SORCS1: variants seen among roughly 807,000 people sequenced by gnomAD.
SORCS1 encodes the protein VPS10 domain-containing receptor SorCS1.
A neutral mutation model predicts 146.1 loss-of-function variants in SORCS1; 60 were observed. The ratio of observed to expected loss-of-function variants is 0.41; its 90% CI spans 0.33 to 0.51. The LOEUF (loss-of-function observed/expected upper bound fraction) is 0.51. SORCS1 is among the 20% of genes least tolerant of loss of function. The pLI is 0.21. For synonymous variants in SORCS1, 637 were observed against 584.0 expected (o/e 1.09, Z -1.31); for missense variants, 1,352 against 1,487.6 (o/e 0.91, Z 1.50).
intron 2 of SORCS1, among the ~76,000 whole-genome samples, chr10:106,911,093 A>G (rs1952128117): frequency 6.6e-6 from 1 of 152,204 alleles, no homozygotes; most frequent in South Asian, 2.1e-4. Context: ...CAGTTCACAG[A>G]TCTCTTGTAA....
intron 10 of SORCS1, among the ~76,000 whole-genome samples, chr10:106,682,773 T>C (rs1852537451): frequency 6.6e-6 from 1 of 152,156 alleles, no homozygotes; most frequent in South Asian, 2.1e-4. Flanking sequence ...ACAATAGTTA[T>C]CTCCAAGTCA....
At chr10:106,729,685 A>G (rs1350406376) in intron 6 of SORCS1, among the ~76,000 whole-genome samples, 4 of 152,282 alleles carry the variant, frequency 2.6e-5, no homozygotes, top group South Asian at 2.1e-4. Flanking sequence ...CAAAATATGC[A>G]TATTTCTGGA....
intron 2 of SORCS1, among the ~76,000 whole-genome samples, chr10:106,866,780 T>C (rs1470116949): frequency 6.6e-6 from 1 of 152,190 alleles, no homozygotes; most frequent in African/African-American, 2.4e-5. Flanking sequence ...CTAAAAGAAG[T>C]CAGCTTCAAA....
At chr10:106,966,930 A>G (rs1409675050) in intron 1 of SORCS1, among the ~76,000 whole-genome samples, 1 of 152,232 alleles carries the variant, frequency 6.6e-6, no homozygotes, top group African/African-American at 2.4e-5. Context: ...TAAGCTTATA[A>G]TAAGGTTAAA....
chr10:107,105,492 C>A (rs1396891901), intron 1 of SORCS1, among the ~76,000 whole-genome samples: 1 of 152,184 alleles, frequency 6.6e-6, no homozygotes, highest in East Asian at 1.9e-4. Context: ...AGTCGAGAAG[C>A]CGACAGTGCA....
chr10:106,666,628 C>G (rs901863066), intron 17 of SORCS1, among the ~76,000 whole-genome samples: 1 of 151,428 alleles, frequency 6.6e-6, no homozygotes, highest in Non-Finnish European at 1.5e-5. Flanking sequence ...GCAATCCCGG[C>G]TCACTGCAAC....
chr10:106,812,511 C>T (rs530722608), intron 3 of SORCS1, among the ~76,000 whole-genome samples: 5 of 152,224 alleles, frequency 3.3e-5, no homozygotes, highest in African/African-American at 1.2e-4. Context: ...ATTTCTAGTT[C>T]CAATTTAGGT....
At chr10:106,928,487 C>T (rs1202807049) in intron 2 of SORCS1, among the ~76,000 whole-genome samples, 2 of 152,376 alleles carry the variant, frequency 1.3e-5, no homozygotes, top group Admixed American at 6.5e-5. Flanking sequence ...CTCCACACCT[C>T]CCTGCAAGCT....
intron 1 of SORCS1, among the ~76,000 whole-genome samples, chr10:106,989,151 T>C (rs541761730): frequency 2.3e-4 from 35 of 149,936 alleles, no homozygotes; most frequent in African/African-American, 8.4e-4. Flanking sequence ...GTACCTGTAA[T>C]CTCAGCTACT....
In SORCS1 at chr10:106,830,415, A is replaced by G. The variant is rs1443404660; in HGVS notation, c.627-742T>C. The stretch of plus-strand genomic sequence containing the variant: ...TATATCATCATGACAACTATGTACA[A>G]TAGGGATTATTATCTGTCTTTGATG... On this transcript the variant is annotated intron_variant, in intron 2 of 25. Coordinates refer to ENST00000263054, the MANE Select transcript of SORCS1 (RefSeq NM_052918.5). Among the ~76,000 whole-genome samples, 14 of 152,294 alleles carry G rather than the reference A, an allele frequency of 9.2e-5. No homozygotes were observed. In the East Asian group the frequency reaches 2.7e-3, roughly 29 times the overall value.
chr10:106,970,975 C>T (rs1955757619), intron 1 of SORCS1, among the ~76,000 whole-genome samples: 1 of 148,392 alleles, frequency 6.7e-6, no homozygotes, highest in African/African-American at 2.5e-5. Context: ...ATCTCAAACT[C>T]CTGACCTCAG....
chr10:107,164,567 A>C lies in SORCS1; in HGVS notation c.-41T>G. 7.6e-7 allele frequency: 1 copy of C among 1,314,148 alleles called. No individual in the cohort carries two copies. The highest frequency in any genetic ancestry group is 9.7e-7 in the Non-Finnish European group (1 of 1,035,346). 81.4% of individuals were successfully genotyped at this position (1,314,148 alleles called of 1,614,324 possible). A position where few individuals can be genotyped will look rare whatever the true frequency, so the allele number is the denominator to read the frequency against. Reference sequence around the variant, plus strand: ...CAGCGGAGAGAGGGGTCCCAGAACGAAGGTGGCGGCACGAGCTCTGCGCTG... The same window carrying C: ...CAGCGGAGAGAGGGGTCCCAGAACGCAGGTGGCGGCACGAGCTCTGCGCTG... On this transcript the variant is annotated 5_prime_UTR_variant, in exon 1 of 26. Coordinates refer to ENST00000263054, the MANE Select transcript of SORCS1 (RefSeq NM_052918.5). This position sits in a 1 kb window ranked among gnomAD's most constrained non-coding sequence, Gnocchi z 6.8.
chr10:107,008,982 C>T (rs576608734), intron 1 of SORCS1, among the ~76,000 whole-genome samples: 8 of 152,112 alleles, frequency 5.3e-5, no homozygotes, highest in Admixed American at 2.0e-4. Flanking sequence ...GGTGACAGAG[C>T]GAGACTCCGT....
intron 9 of SORCS1, among the ~76,000 whole-genome samples, chr10:106,692,952 CAATAAAA>C (rs1564864836): frequency 6.6e-6 from 1 of 151,014 alleles, no homozygotes; most frequent in Non-Finnish European, 1.5e-5. Flanking sequence ...TATTATGTAC[CAATAAAA>C]AATAAAAAAT....
chr10:106,726,843 T>C (rs1481813486), intron 6 of SORCS1, among the ~76,000 whole-genome samples: 2 of 151,828 alleles, frequency 1.3e-5, no homozygotes, highest in African/African-American at 4.8e-5. Flanking sequence ...TCCCAGCACT[T>C]TGGGAGGCCG....
chr10:106,784,593 C>G (rs1283082015), intron 3 of SORCS1, among the ~76,000 whole-genome samples: 1 of 152,092 alleles, frequency 6.6e-6, no homozygotes, highest in Non-Finnish European at 1.5e-5. Flanking sequence ...TTACAAGTCC[C>G]AAAGTAACTT....
At chr10:106,731,446 C>T (rs1856594680) in intron 5 of SORCS1, among the ~76,000 whole-genome samples, 1 of 152,082 alleles carries the variant, frequency 6.6e-6, no homozygotes, top group Admixed American at 6.5e-5. Context: ...GTGCCACACT[C>T]ATTTCCTCGC....
At chr10:106,709,146 T>A (rs955572364) in intron 7 of SORCS1, 77 bp downstream of exon 7, 1 of 1,111,432 alleles carries the variant, frequency 9.0e-7, no homozygotes, top group African/African-American at 1.5e-5. Context: ...CTTAATGGAG[T>A]GTAAAGCAGG....
At chr10:107,139,514 G>A (rs1967616338) in intron 1 of SORCS1, among the ~76,000 whole-genome samples, 1 of 152,162 alleles carries the variant, frequency 6.6e-6, no homozygotes, top group Admixed American at 6.5e-5. Context: ...AGATTGGGAA[G>A]AGAGAGAGGG....
Sources: gnomAD v4.1 joint callset for allele counts (sites outside exome capture counted in the v4.1 genomes callset) on GRCh38, gnomAD v4.1.1 for gene constraint, Gnocchi (gnomAD v3.1) non-coding constraint, MANE v1.5 for transcripts, NCBI Gene and HGNC (gene_info 2026-07-23, HGNC 2026-07-21) for gene names.